RFX3: variants seen among roughly 807,000 people sequenced by gnomAD.
RFX3 encodes regulatory factor X3.
Under a neutral mutation model 98.6 loss-of-function variants are expected in RFX3, and 14 were observed. The observed-to-expected ratio is 0.14, with a 90% CI of 0.09 to 0.22. The LOEUF is 0.22. Ranked by LOEUF, RFX3 falls within the 10% of genes least tolerant of loss-of-function variation. The pLI is 1.00. For synonymous variants in RFX3, 383 were observed against 328.4 expected, an observed-to-expected ratio of 1.17 and a Z score of -1.80; for missense variants, 639 against 926.9, an observed-to-expected ratio of 0.69 and a Z score of 4.03.
chr9:3,257,966 G>A (rs1449126466), intron 13 of RFX3, among the ~76,000 whole-genome samples: 2 of 152,174 alleles, frequency 1.3e-5, no homozygotes, highest in South Asian at 2.1e-4. Context: ...CTACTTTTCA[G>A]TGATTGCCAT....
At chr9:3,264,357 G>A (rs1823332955) in intron 12 of RFX3, among the ~76,000 whole-genome samples, 1 of 152,098 alleles carries the variant, frequency 6.6e-6, no homozygotes, top group Admixed American at 6.6e-5. Flanking sequence ...CACTATATGG[G>A]TATATAAGGT....
chr9:3,510,391 C>T (rs1345762064), intron 1 of RFX3, among the ~76,000 whole-genome samples: 22 of 151,936 alleles, frequency 1.4e-4, no homozygotes, highest in Admixed American at 1.4e-3. Context: ...CAGTGTTCTT[C>T]CAAATTACAG....
At chr9:3,436,074 AG>A (rs1034435670) in intron 1 of RFX3, among the ~76,000 whole-genome samples, 65 of 152,168 alleles carry the variant, frequency 4.3e-4, no homozygotes, top group African/African-American at 1.5e-3. Context: ...AGTACTAAAA[AG>A]TACATCTTTA....
chr9:3,352,504 A>C (rs767278698), intron 2 of RFX3, among the ~76,000 whole-genome samples: 3 of 152,064 alleles, frequency 2.0e-5, no homozygotes, highest in Non-Finnish European at 4.4e-5. Context: ...AATCATACTT[A>C]AGGTCTTACC....
At chr9:3,295,406 T>A (rs2129777415) in intron 5 of RFX3, among the ~76,000 whole-genome samples, 1 of 152,156 alleles carries the variant, frequency 6.6e-6, no homozygotes, top group South Asian at 2.1e-4. Flanking sequence ...TTGTTTTGTG[T>A]ACATATACTA....
Position 3,249,210 on chromosome 9 carries a change from AC to A in RFX3, c.1815-1026del, listed in dbSNP as rs141599604. 1.5e-3 allele frequency among the ~76,000 whole-genome samples: 230 copies of A among 152,284 alleles called. 1 individual carries two copies. Among genetic ancestry groups the A allele is most frequent in the African/African-American group, 5.2e-3 (215 of 41,568 alleles). On this transcript the variant is annotated intron_variant, in intron 14 of 16. Coordinates refer to ENST00000617270, the MANE Select transcript of RFX3 (RefSeq NM_001282116.2). ...TATAAGACATCAGGCAAATGGAAAA[AC>A]AAAAGACTGTACTTTTGTTTTCTGT...
chr9:3,251,042 A>T (rs183660717), intron 14 of RFX3, among the ~76,000 whole-genome samples: 1 of 152,208 alleles, frequency 6.6e-6, no homozygotes, highest in Non-Finnish European at 1.5e-5. Context: ...CATTTTTAAA[A>T]ACTCTATCAA....
At chr9:3,366,706 CTTT>C (rs1837189241) in intron 2 of RFX3, among the ~76,000 whole-genome samples, 5 of 88,800 alleles carry the variant, frequency 5.6e-5, no homozygotes, top group Middle Eastern at 6.0e-3. Flanking sequence ...TTCTTTCTTT[CTTT>C]CTTTCTTTCT....
intron 2 of RFX3, among the ~76,000 whole-genome samples, chr9:3,381,828 G>T (rs1036136378): frequency 2.0e-5 from 3 of 152,070 alleles, no homozygotes. Context: ...CATGCCCTTG[G>T]TTAGCTAAGC....
chr9:3,339,526 T>C (rs192102758), intron 3 of RFX3, among the ~76,000 whole-genome samples: 23 of 152,180 alleles, frequency 1.5e-4, no homozygotes, highest in Non-Finnish European at 1.5e-5. Flanking sequence ...TTTTTCCCTG[T>C]GTACTTAAAG....
intron 5 of RFX3, among the ~76,000 whole-genome samples, chr9:3,298,663 T>A (rs900826736): frequency 2.0e-5 from 3 of 151,812 alleles, no homozygotes; most frequent in African/African-American, 7.2e-5. Flanking sequence ...GTTAATTCTC[T>A]TAAGAATATG....
At chr9:3,451,551 A>T (rs1175796388) in intron 1 of RFX3, among the ~76,000 whole-genome samples, 1 of 152,198 alleles carries the variant, frequency 6.6e-6, no homozygotes, top group Non-Finnish European at 1.5e-5. Context: ...AAGATAATAA[A>T]TAAGTTTTGA....
intron 2 of RFX3, among the ~76,000 whole-genome samples, chr9:3,369,487 T>C (rs888301701): frequency 7.2e-5 from 11 of 152,176 alleles, no homozygotes; most frequent in African/African-American, 2.7e-4. Context: ...ATTCAGACCA[T>C]AGAAATTTCC....
At chr9:3,301,461 T>C (rs893889484) in intron 5 of RFX3, 85 bp downstream of exon 5, 29 of 905,810 alleles carry the variant, frequency 3.2e-5, no homozygotes, top group South Asian at 2.5e-4. Flanking sequence ...AATAAATAAG[T>C]AAATAAATAA....
At chr9:3,500,963 T>A (rs1251715061) in intron 1 of RFX3, among the ~76,000 whole-genome samples, 1 of 152,090 alleles carries the variant, frequency 6.6e-6, no homozygotes, top group African/African-American at 2.4e-5. Flanking sequence ...ATGGCAAAAA[T>A]AAAACCAACA....
At chr9:3,343,123 A>C (rs1433123229) in intron 3 of RFX3, among the ~76,000 whole-genome samples, 2 of 152,214 alleles carry the variant, frequency 1.3e-5, no homozygotes, top group East Asian at 3.8e-4. Context: ...ATGATTACAC[A>C]TATTCATAAG....
At chr9:3,488,327 A>G (rs767310159) in intron 1 of RFX3, among the ~76,000 whole-genome samples, 47 of 152,208 alleles carry the variant, frequency 3.1e-4, no homozygotes, top group Non-Finnish European at 5.3e-4. Context: ...TTTTTGATAA[A>G]TAAGTTTGTA....
At chr9:3,297,076 C>A (rs532800411) in intron 5 of RFX3, among the ~76,000 whole-genome samples, 1 of 152,116 alleles carries the variant, frequency 6.6e-6, no homozygotes, top group South Asian at 2.1e-4. Context: ...TTAAGTGCAA[C>A]CTAAAGGCAC....
chr9:3,328,062 G>C (rs1027729027), intron 4 of RFX3, among the ~76,000 whole-genome samples: 2 of 152,132 alleles, frequency 1.3e-5, no homozygotes, highest in African/African-American at 2.4e-5. Flanking sequence ...ATGAAGGCAA[G>C]TAGGAATACC....
Sources: allele counts gnomAD v4.1 joint callset (sites outside exome capture counted in the v4.1 genomes callset), GRCh38; gene constraint gnomAD v4.1.1; transcripts MANE v1.5; gene names NCBI Gene and HGNC (gene_info 2026-07-23, HGNC 2026-07-21).